FAM135B: variants seen among roughly 807,000 people sequenced by gnomAD.
The protein encoded by FAM135B is family with sequence similarity 135 member B.
A neutral mutation model predicts 127.7 loss-of-function variants in FAM135B; 43 were observed. The observed-to-expected ratio is 0.34, with a 90% CI of 0.26 to 0.43. FAM135B has a LOEUF of 0.43. Among genes scored for constraint, FAM135B ranks in the 20% least tolerant of loss-of-function variants. The probability of loss-of-function intolerance (pLI) is 1.00; values close to 1 mark genes in which losing one functional copy is unlikely to be tolerated. For synonymous variants in FAM135B, 670 were observed against 665.1 expected (o/e 1.01, Z -0.11); for missense variants, 1,558 against 1,725.6 (o/e 0.90, Z 1.72).
intron 7 of FAM135B, among the ~76,000 whole-genome samples, chr8:138,201,395 G>T (rs1311732346): frequency 6.6e-6 from 1 of 151,812 alleles, no homozygotes; most frequent in African/African-American, 2.4e-5. Flanking sequence ...CATGATTATT[G>T]AAATAATAAT....
chr8:138,407,489 G>A (rs1027720720), intron 1 of FAM135B, among the ~76,000 whole-genome samples: 35 of 152,100 alleles, frequency 2.3e-4, no homozygotes, highest in Non-Finnish European at 3.7e-4. Flanking sequence ...GAGGCATCAC[G>A]CTACCTGACT....
intron 12 of FAM135B, among the ~76,000 whole-genome samples, chr8:138,155,241 A>T (rs1818607135): frequency 6.6e-6 from 1 of 152,218 alleles, no homozygotes; most frequent in African/African-American, 2.4e-5. Context: ...AGACAAGCAA[A>T]TGCTGAGAGA....
chr8:138,467,117 A>AATACGATT (rs1389818674), intron 1 of FAM135B, among the ~76,000 whole-genome samples: 1 of 152,200 alleles, frequency 6.6e-6, no homozygotes, highest in African/African-American at 2.4e-5. Context: ...GTCTTCCAGA[A>AATACGATT]ATACGATTGG....
chr8:138,273,923 C>G, intron 3 of FAM135B, among the ~76,000 whole-genome samples: 1 of 152,276 alleles, frequency 6.6e-6, no homozygotes, highest in South Asian at 2.1e-4. Context: ...ACGCCACCTA[C>G]AAGCTGAGCA....
intron 1 of FAM135B, among the ~76,000 whole-genome samples, chr8:138,468,986 G>A (rs1837529115): frequency 6.6e-6 from 1 of 152,106 alleles, no homozygotes. Context: ...GGAGGTTGCA[G>A]TGAGCCAAGA....
intron 1 of FAM135B, chr8:138,441,317 A>G (rs1835750854): frequency 6.6e-6 from 1 of 152,226 alleles, no homozygotes; most frequent in South Asian, 2.1e-4. Context: ...ATAAGGCTGA[A>G]AATCAGAACT....
rs369404911 is a variant in FAM135B, at chr8:138,256,750, C to A, written c.307G>T (p.Ala103Ser). The part of the protein sequence containing the change: ...LLLGGERMED[A>S]LSEVDFQLKV... ...AGTTGAAAATCTACTTCACTCAGTG[C>A]GTCTTCCATCTGCAAAAGAAACAAA... Residue 103 changes from alanine (A) to serine (S), a missense_variant, in exon 5 of 20, where the codon GCA (alanine) becomes TCA (serine). Physicochemically the swap from Ala to Ser is moderately conservative, Grantham distance 99. Transcript: ENST00000395297. 4 of 1,613,358 alleles carry A rather than the reference C, an allele frequency of 2.5e-6. No homozygotes were observed. The African/African-American group carries it at 4.0e-5, about 16-fold the overall frequency.
chr8:138,497,277 T>C (rs1815435932), upstream of FAM135B, among the ~76,000 whole-genome samples: 1 of 150,168 alleles, frequency 6.7e-6, no homozygotes, highest in Non-Finnish European at 1.5e-5. Flanking sequence ...GCGGCGCGGC[T>C]CACGCGCTCC....
chr8:138,273,249 AGGCTGGAGTGCAGT>A (rs1823524896), intron 3 of FAM135B, among the ~76,000 whole-genome samples: 1 of 152,214 alleles, frequency 6.6e-6, no homozygotes, highest in Admixed American at 6.5e-5. Flanking sequence ...TCTGTAGCCC[AGGCTGGAGTGCAGT>A]GGCGTGATCT....
intron 2 of FAM135B, among the ~76,000 whole-genome samples, chr8:138,315,893 CAA>C (rs2130918525): frequency 6.6e-6 from 1 of 152,040 alleles, no homozygotes; most frequent in South Asian, 2.1e-4. Context: ...AAATGTAGGT[CAA>C]AGAGTATAAA....
At chr8:138,157,064 A>C (rs1293755245) in intron 12 of FAM135B, among the ~76,000 whole-genome samples, 2 of 152,190 alleles carry the variant, frequency 1.3e-5, no homozygotes, top group Admixed American at 6.5e-5. Context: ...ACTGGCAAAC[A>C]GAATCCAGCA....
chr8:138,191,979 C>G (rs34586743), intron 9 of FAM135B, among the ~76,000 whole-genome samples: 2,272 of 152,300 alleles, frequency 0.015, 46 homozygotes, highest in African/African-American at 0.048. Context: ...GAGGGCTCAG[C>G]GTCACAGGGA....
chr8:138,299,678 T>C (rs1563872149), intron 3 of FAM135B, among the ~76,000 whole-genome samples: 2 of 152,142 alleles, frequency 1.3e-5, no homozygotes, highest in African/African-American at 4.8e-5. Context: ...TTCCTCAAAA[T>C]GATAGTCCAT....
Position 138,152,051 on chromosome 8 carries a change from G to A in FAM135B, c.2424C>T (p.Ser808=). ...CACAAAGTTGAGAGCAAGATCCTGGGGAACCTTGGCTCTTGCTGTGCATAT... is the reference window on the plus strand; with the variant it reads ...CACAAAGTTGAGAGCAAGATCCTGGAGAACCTTGGCTCTTGCTGTGCATAT... ...PSDMHSKSQG[S]PGSCSQLCGD... The change falls in exon 13 of 20, where the codon TCC becomes TCT. Residue 808 remains serine (S), a synonymous_variant. Transcript: ENST00000395297. 6.2e-7 allele frequency: 1 copy of A among 1,613,970 alleles called. No homozygotes were observed. The highest frequency in any genetic ancestry group is 8.5e-7 in the Non-Finnish European group (1 of 1,180,032).
At chr8:138,204,388 T>C (rs1817396374) in intron 7 of FAM135B, among the ~76,000 whole-genome samples, 1 of 152,200 alleles carries the variant, frequency 6.6e-6, no homozygotes, top group East Asian at 1.9e-4. Flanking sequence ...CAATACTCCC[T>C]GAACACTTTG....
At chr8:138,191,913 G>A (rs752499250) in intron 9 of FAM135B, among the ~76,000 whole-genome samples, 2 of 152,150 alleles carry the variant, frequency 1.3e-5, no homozygotes, top group Admixed American at 6.5e-5. Context: ...AGACCTCATG[G>A]ACTTCATCTC....
chr8:138,356,242 G>A (rs1482282138), intron 2 of FAM135B, among the ~76,000 whole-genome samples: 3 of 148,386 alleles, frequency 2.0e-5, no homozygotes, highest in African/African-American at 7.5e-5. Flanking sequence ...GTTGAGGGGG[G>A]CATGGTAGAG....
At chr8:138,264,115 C>A (rs1185954254) in intron 4 of FAM135B, among the ~76,000 whole-genome samples, 3 of 152,196 alleles carry the variant, frequency 2.0e-5, no homozygotes, top group Non-Finnish European at 2.9e-5. Context: ...TCCTGAAACA[C>A]CCCAATGTCA....
intron 1 of FAM135B, among the ~76,000 whole-genome samples, chr8:138,426,020 CATACATAT>C (rs1834851598): frequency 6.8e-5 from 1 of 14,732 alleles, no homozygotes. Context: ...TATACACACA[CATACATAT>C]ACACACACAC....
Sources: gnomAD v4.1 joint callset for allele counts (sites outside exome capture counted in the v4.1 genomes callset) on GRCh38, gnomAD v4.1.1 for gene constraint, MANE v1.5 for transcripts, NCBI Gene and HGNC (gene_info 2026-07-23, HGNC 2026-07-21) for gene names.